Variants in CEP63 observed in about 807,000 individuals in gnomAD.
The protein encoded by CEP63 is centrosomal protein of 63 kDa.
CEP63 carries 84 observed loss-of-function variants against 89.1 expected under a neutral mutation model. The ratio of observed to expected loss-of-function variants is 0.94; its 90% CI spans 0.79 to 1.13. The LOEUF is 1.13. CEP63 is among the 50% of genes most tolerant of loss of function. CEP63 has a pLI of 0.00. For missense variants in CEP63, 838 were observed against 813.3 expected (o/e 1.03, Z -0.37); for synonymous variants, 267 against 272.5 (o/e 0.98, Z 0.20).
the CEP63 span, among the ~76,000 whole-genome samples, chr3:134,654,831 G>A: frequency 1.3e-5 from 2 of 151,926 alleles, no homozygotes; most frequent in Admixed American, 1.3e-4. Flanking sequence ...CCTCTACTTT[G>A]AAGCCTTCCT....
At chr3:134,579,350 A>T (rs978728389), downstream of CEP63, among the ~76,000 whole-genome samples, 1 of 152,186 alleles carries the variant, frequency 6.6e-6, no homozygotes, top group African/African-American at 2.4e-5. Context: ...TTTAACTTTT[A>T]AAAATACCAA....
At chr3:134,507,434 A>C in intron 3 of CEP63, 148 bp downstream of exon 3, 1 of 635,402 alleles carries the variant, frequency 1.6e-6, no homozygotes, top group Non-Finnish European at 2.7e-6. Context: ...ATTTTAGAAG[A>C]AAAATTCATT....
chr3:134,679,286 T>A, the CEP63 span, among the ~76,000 whole-genome samples: 2,148 of 152,342 alleles, frequency 0.014, 21 homozygotes, highest in South Asian at 0.026. Flanking sequence ...TTAATGACAC[T>A]AAGTAACTTG....
chr3:134,690,036 G>T, the CEP63 span, among the ~76,000 whole-genome samples: 1 of 152,174 alleles, frequency 6.6e-6, no homozygotes, highest in South Asian at 2.1e-4. Context: ...CTCAATAAAA[G>T]GTTAGAATCA....
chr3:134,499,363 T>C (rs533808181), intron 2 of CEP63, among the ~76,000 whole-genome samples: 24 of 152,328 alleles, frequency 1.6e-4, no homozygotes, highest in African/African-American at 5.8e-4. Flanking sequence ...AGTTGTAATA[T>C]TGCCTTTTCT....
chr3:134,621,543 T>G, the CEP63 span, among the ~76,000 whole-genome samples: 1 of 152,198 alleles, frequency 6.6e-6, no homozygotes, highest in Non-Finnish European at 1.5e-5. Flanking sequence ...GATCTCTACC[T>G]CATGCCATAT....
intron 3 of CEP63, among the ~76,000 whole-genome samples, chr3:134,523,748 G>T (rs1948025321): frequency 6.6e-6 from 1 of 152,022 alleles, no homozygotes; most frequent in Non-Finnish European, 1.5e-5. Flanking sequence ...ATTGGTCTAT[G>T]TATCTGTTTT....
At chr3:134,608,503 A>T in the CEP63 span, 23 of 1,559,946 alleles carry the variant, frequency 1.5e-5, no homozygotes, top group East Asian at 4.9e-4. Flanking sequence ...ACTCATCCAC[A>T]TGCACACACA....
At chr3:134,608,886 G>A in the CEP63 span, 1 of 1,565,774 alleles carries the variant, frequency 6.4e-7, no homozygotes, top group East Asian at 2.3e-5. Context: ...TGCAGGGGAG[G>A]CAGGGGCCCA....
intron 1 of CEP63, among the ~76,000 whole-genome samples, chr3:134,492,633 C>A (rs1354603665): frequency 6.7e-6 from 1 of 149,496 alleles, no homozygotes; most frequent in Non-Finnish European, 1.5e-5. Context: ...TCTAAAATAG[C>A]AATATTTCTT....
chr3:134,712,496 C>CT, the CEP63 span, among the ~76,000 whole-genome samples: 1 of 151,972 alleles, frequency 6.6e-6, no homozygotes, highest in Admixed American at 6.6e-5. Flanking sequence ...CATAAAACTC[C>CT]TTTTCTCTCT....
chr3:134,668,766 T>C, the CEP63 span, among the ~76,000 whole-genome samples: 1 of 151,750 alleles, frequency 6.6e-6, no homozygotes, highest in Non-Finnish European at 1.5e-5. Context: ...TTTCCATTTT[T>C]CACTTTCCAT....
chr3:134,652,727 A>C, the CEP63 span, among the ~76,000 whole-genome samples: 1 of 152,090 alleles, frequency 6.6e-6, no homozygotes, highest in African/African-American at 2.4e-5. Flanking sequence ...AGAACTATGC[A>C]TTATGCAAAG....
chr3:134,713,997 G>A, the CEP63 span, among the ~76,000 whole-genome samples: 42 of 152,346 alleles, frequency 2.8e-4, no homozygotes, highest in Admixed American at 7.8e-4. Context: ...GCCTCAAGCT[G>A]TCTGTGAAAG....
chr3:134,595,585 T>A, the CEP63 span, among the ~76,000 whole-genome samples: 1 of 152,202 alleles, frequency 6.6e-6, no homozygotes, highest in Non-Finnish European at 1.5e-5. Context: ...GTGAACCCAG[T>A]TGTGGCCTCA....
chr3:134,512,075 CTG>C (rs1314177168), intron 3 of CEP63, among the ~76,000 whole-genome samples: 6 of 152,146 alleles, frequency 3.9e-5, no homozygotes, highest in African/African-American at 1.2e-4. Flanking sequence ...ACAGCTAAAA[CTG>C]TTAACAGCTA....
chr3:134,495,849 T>G (rs1939686270), intron 2 of CEP63, among the ~76,000 whole-genome samples: 1 of 152,158 alleles, frequency 6.6e-6, no homozygotes, highest in Admixed American at 6.5e-5. Context: ...CTGTGCCTAT[T>G]ATTTCACTTA....
chr3:134,562,125 G>GA lies in CEP63; in HGVS notation c.*591dup. 1.0e-6 allele frequency: 1 copy of GA among 988,868 alleles called. No homozygotes were observed. Among genetic ancestry groups the GA allele is most frequent in the South Asian group, 4.6e-5 (1 of 21,582 alleles). The allele number at this position is 988,868 out of a possible 1,614,324, so 61.3% of individuals were successfully genotyped here. A position where few individuals can be genotyped will look rare whatever the true frequency, so the allele number is the denominator to read the frequency against. On this transcript the variant is annotated 3_prime_UTR_variant, in exon 15 of 15. Coordinates refer to ENST00000675561, the MANE Select transcript of CEP63 (RefSeq NM_001353108.3). Reference sequence around the variant, plus strand: ...TCTCTTGCTCAACACTCATGCAGAGGAGAGAGGCAGGGAGGGCAAGGGACT... The same window carrying GA: ...TCTCTTGCTCAACACTCATGCAGAGGAAGAGAGGCAGGGAGGGCAAGGGACT...
chr3:134,507,351 C>T, intron 3 of CEP63, 65 bp downstream of exon 3: 3 of 1,245,810 alleles, frequency 2.4e-6, no homozygotes, highest in South Asian at 1.3e-5. Context: ...AAATGTGTTT[C>T]TTAAGTATTT....
Sources: gnomAD v4.1 joint callset for allele counts (sites outside exome capture counted in the v4.1 genomes callset) on GRCh38, gnomAD v4.1.1 for gene constraint, MANE v1.5 for transcripts, NCBI Gene and HGNC (gene_info 2026-07-23, HGNC 2026-07-21) for gene names.